USP25: variants seen among roughly 807,000 people sequenced by gnomAD.
The protein encoded by USP25 is ubiquitin specific peptidase 25, also known as ubiquitin carboxyl-terminal hydrolase 25.
Under a neutral mutation model 158.5 loss-of-function variants are expected in USP25, and 85 were observed. The observed-to-expected ratio is 0.54, with a 90% CI of 0.45 to 0.64. The LOEUF is 0.64. Among genes scored for constraint, USP25 ranks in the 30% least tolerant of loss-of-function variants. USP25 has a pLI of 0.00. For missense variants in USP25, 1,242 were observed against 1,327.3 expected (o/e 0.94, Z 1.00); for synonymous variants, 464 against 460.4 (o/e 1.01, Z -0.10).
chr21:15,741,288 C>CTTT (rs35427982), intron 1 of USP25, among the ~76,000 whole-genome samples: 1 of 139,790 alleles, frequency 7.2e-6, no homozygotes. Flanking sequence ...TTTTGATGTA[C>CTTT]TTTTTTTTTT....
At chr21:15,835,400 A>G (rs964679984) in intron 17 of USP25, among the ~76,000 whole-genome samples, 1 of 152,184 alleles carries the variant, frequency 6.6e-6, no homozygotes, top group African/African-American at 2.4e-5. Flanking sequence ...CTATCTATTA[A>G]GGACTAGCCT....
At chr21:15,767,112 C>T (rs2034082912) in intron 3 of USP25, among the ~76,000 whole-genome samples, 1 of 152,034 alleles carries the variant, frequency 6.6e-6, no homozygotes, top group Non-Finnish European at 1.5e-5. Context: ...GACCTGTTTA[C>T]TTAACGTCTA....
At chr21:15,740,378 C>T (rs1156320029) in intron 1 of USP25, among the ~76,000 whole-genome samples, 1 of 152,132 alleles carries the variant, frequency 6.6e-6, no homozygotes, top group East Asian at 1.9e-4. Context: ...AATATGGAAG[C>T]AGGGTCTTTG....
chr21:15,813,801 AG>A (rs2036795168), intron 9 of USP25, among the ~76,000 whole-genome samples: 1 of 152,080 alleles, frequency 6.6e-6, no homozygotes, highest in Non-Finnish European at 1.5e-5. Context: ...TATTAAACCT[AG>A]CCCCAGTTTA....
intron 9 of USP25, among the ~76,000 whole-genome samples, chr21:15,811,497 A>G (rs2036660274): frequency 6.6e-6 from 1 of 152,180 alleles, no homozygotes; most frequent in Non-Finnish European, 1.5e-5. Context: ...ACAGGGATTA[A>G]TGGGATGGTT....
At chr21:15,838,577 T>C (rs1302684340) in intron 17 of USP25, among the ~76,000 whole-genome samples, 2 of 152,156 alleles carry the variant, frequency 1.3e-5, no homozygotes, top group Admixed American at 6.5e-5. Flanking sequence ...AGCGATTCTA[T>C]GCAACCACCT....
intron 4 of USP25, among the ~76,000 whole-genome samples, chr21:15,786,579 C>G (rs763086660): frequency 6.6e-6 from 1 of 152,094 alleles, no homozygotes; most frequent in Non-Finnish European, 1.5e-5. Context: ...AACATCCCTT[C>G]ATGATAAAAA....
chr21:15,848,158 C>T (rs577328015), intron 19 of USP25, among the ~76,000 whole-genome samples: 113 of 152,170 alleles, frequency 7.4e-4, no homozygotes, highest in Non-Finnish European at 1.4e-3. Context: ...ATCCTTTTCC[C>T]ACTATCTCCT....
chr21:15,846,104 A>ATG (rs2038572704), intron 18 of USP25, among the ~76,000 whole-genome samples: 2 of 122,662 alleles, frequency 1.6e-5, no homozygotes, highest in Non-Finnish European at 3.3e-5. Context: ...GGATTTTGAT[A>ATG]TATGTGTGTG....
intron 1 of USP25, among the ~76,000 whole-genome samples, chr21:15,737,953 C>T (rs773175074): frequency 6.6e-6 from 1 of 151,858 alleles, no homozygotes. Context: ...CTTTCAACAT[C>T]TTGTTGGTTC....
At chr21:15,856,995 A>G (rs543118833) in intron 20 of USP25, among the ~76,000 whole-genome samples, 72 of 152,342 alleles carry the variant, frequency 4.7e-4, no homozygotes, top group Non-Finnish European at 9.7e-4. Flanking sequence ...GCAGTATGTC[A>G]GCACACTGAT....
intron 18 of USP25, 127 bp from the exon 19 acceptor site, chr21:15,847,536 T>G (rs1289671905): frequency 1.1e-5 from 7 of 618,306 alleles, no homozygotes; most frequent in Non-Finnish European, 2.0e-5. Flanking sequence ...GTTGGAACTT[T>G]TAAAAATAAG....
At chr21:15,870,444 A>G (rs1356980906) in intron 23 of USP25, among the ~76,000 whole-genome samples, 1 of 152,178 alleles carries the variant, frequency 6.6e-6, no homozygotes, top group Non-Finnish European at 1.5e-5. Flanking sequence ...CAAGTCAGAG[A>G]TAGTGTTTGC....
intron 20 of USP25, among the ~76,000 whole-genome samples, chr21:15,857,090 C>T (rs2039186467): frequency 2.0e-5 from 3 of 152,194 alleles, no homozygotes; most frequent in African/African-American, 7.2e-5. Flanking sequence ...TAAATCCTAA[C>T]ATTATCATTT....
chr21:15,805,239 A>G lies in USP25; in HGVS notation c.761A>G (p.Lys254Arg). The change falls in exon 7 of 26, where the codon AAA (lysine) becomes AGA (arginine). Residue 254 changes from lysine to arginine, a missense_variant. Lys to Arg is a conservative substitution (Grantham distance 26, BLOSUM62 2). This residue lies in a region of USP25 where 627 missense variants were observed against 701.4 expected (regional missense o/e 0.89). Transcript: ENST00000400183. ...RAVEILKDAF[K>R]SNDSQQQDVS... Reference sequence around the variant, plus strand: ...GTTGAAATTCTTAAGGATGCTTTCAAATCAAATGACTCACAGCAGGTAGTT... The same window carrying G: ...GTTGAAATTCTTAAGGATGCTTTCAGATCAAATGACTCACAGCAGGTAGTT... 1.2e-6 allele frequency: 2 copies of G among 1,602,754 alleles called. No homozygotes were observed. Among genetic ancestry groups the G allele is most frequent in the Non-Finnish European group, 1.7e-6 (2 of 1,176,162 alleles).
intron 22 of USP25, among the ~76,000 whole-genome samples, chr21:15,868,613 T>C (rs1296308402): frequency 6.6e-6 from 1 of 152,174 alleles, no homozygotes; most frequent in Non-Finnish European, 1.5e-5. Context: ...AAGTTCAGGG[T>C]TCAGTAAACC....
intron 8 of USP25, 106 bp downstream of exon 8, chr21:15,808,991 C>T (rs2036526653): frequency 1.3e-6 from 1 of 794,820 alleles, no homozygotes; most frequent in African/African-American, 1.8e-5. Flanking sequence ...ATGGGAATCC[C>T]AGTATTTTCT....
chr21:15,787,083 A>G (rs1268508079), intron 4 of USP25, among the ~76,000 whole-genome samples: 4 of 152,180 alleles, frequency 2.6e-5, no homozygotes, highest in Non-Finnish European at 5.9e-5. Flanking sequence ...ACTGAAAGCT[A>G]TAAAACATTG....
chr21:15,779,098 T>C lies in USP25; in HGVS notation c.392+1071T>C, dbSNP rs536528978. On this transcript the variant is annotated intron_variant, in intron 4 of 25. Transcript: ENST00000400183. Reference sequence around the variant, plus strand: ...TGCGACTTTTTAATGTCTTTAAATGTTACTTTGGAAACTACTTTGTAAGAC... The same window carrying C: ...TGCGACTTTTTAATGTCTTTAAATGCTACTTTGGAAACTACTTTGTAAGAC... Among the ~76,000 whole-genome samples, 12 of 152,238 alleles carry C rather than the reference T, an allele frequency of 7.9e-5. No homozygotes were observed. The East Asian group carries it at 2.3e-3, about 29-fold the overall frequency.
Sources: gnomAD v4.1 joint callset for allele counts (sites outside exome capture counted in the v4.1 genomes callset) on GRCh38, gnomAD v4.1.1 for gene constraint, gnomAD v4.1.1 regional missense constraint, MANE v1.5 for transcripts, NCBI Gene and HGNC (gene_info 2026-07-23, HGNC 2026-07-21) for gene names.